Variants in CCDC171 observed in about 807,000 individuals in gnomAD.
The protein encoded by CCDC171 is coiled-coil domain-containing protein 171.
CCDC171 carries 177 observed loss-of-function variants against 168.2 expected under a neutral mutation model. That is an observed-to-expected ratio of 1.05 (90% confidence interval 0.93 to 1.19). The LOEUF (loss-of-function observed/expected upper bound fraction) is 1.19, where lower values mean the gene tolerates loss of function less well. Among genes scored for constraint, CCDC171 ranks in the 50% most tolerant of loss-of-function variants. The probability of loss-of-function intolerance (pLI) is 0.00; values close to 1 mark genes in which losing one functional copy is unlikely to be tolerated. For missense variants in CCDC171, 1,991 were observed against 1,539.0 expected (o/e 1.29, Z -4.91); for synonymous variants, 687 against 540.8 (o/e 1.27, Z -3.75).
chr9:15,627,692 A>G (rs185832626), intron 7 of CCDC171, among the ~76,000 whole-genome samples: 5 of 152,268 alleles, frequency 3.3e-5, no homozygotes, highest in Admixed American at 3.3e-4. Context: ...ACAGTTTGTT[A>G]TAATTTCTGT....
intron 19 of CCDC171, among the ~76,000 whole-genome samples, chr9:15,778,643 C>CAAAAAAAAA (rs527592822): frequency 0.035 from 2,063 of 58,548 alleles, 305 homozygotes; most frequent in East Asian, 0.088. Flanking sequence ...AAGACTGTCT[C>CAAAAAAAAA]AAAAAAAAAA....
At chr9:15,597,641 A>C (rs1027004100) in intron 6 of CCDC171, among the ~76,000 whole-genome samples, 5 of 152,192 alleles carry the variant, frequency 3.3e-5, no homozygotes, top group Non-Finnish European at 7.3e-5. Context: ...CTTTCCTATC[A>C]GGATGATGCT....
At position 15,822,158 on chromosome 9, in the gene CCDC171, C is replaced by T. The variant is rs566838547; in HGVS notation, c.3268-24544C>T. 8.0e-4 allele frequency among the ~76,000 whole-genome samples: 122 copies of T among 152,250 alleles called. 3 individuals are homozygous for T. The highest frequency in any genetic ancestry group is 2.9e-3 in the African/African-American group (119 of 41,528). ...TAGAAAGCTGACACTGGATCCCTTC[C>T]TTACACCTTATACAAAAATTAATTC... On this transcript the variant is annotated intron_variant, in intron 21 of 25. Transcript: ENST00000380701.
chr9:15,760,794 A>G (rs1237913168), intron 18 of CCDC171, among the ~76,000 whole-genome samples: 1 of 152,150 alleles, frequency 6.6e-6, no homozygotes, highest in Non-Finnish European at 1.5e-5. Context: ...ACTTATAGAG[A>G]GTGGGCAAAG....
At chr9:16,100,205 T>G in the CCDC171 span, among the ~76,000 whole-genome samples, 1 of 152,158 alleles carries the variant, frequency 6.6e-6, no homozygotes, top group Non-Finnish European at 1.5e-5. Flanking sequence ...TGAACTAAAT[T>G]GATTTATGAG....
Position 15,623,359 on chromosome 9 carries a change from A to C in CCDC171, c.768A>C (p.Thr256=), listed in dbSNP as rs1305535106. 1 of 1,612,348 alleles carries C rather than the reference A, an allele frequency of 6.2e-7. No individual in the cohort carries two copies. The highest frequency in any genetic ancestry group is 8.5e-7 in the Non-Finnish European group (1 of 1,179,094). The stretch of plus-strand genomic sequence containing the variant: ...GCTCTGACCTTTTACGGCGACAAAC[A>C]AGTGAACTTGAATTTAGCACTCAAC... ...MDCSDLLRRQ[T]SELEFSTQRE... is the part of the protein sequence containing the mutation. Residue 256 remains threonine (T), a synonymous_variant, in exon 7 of 26, where the codon ACA becomes ACC. Coordinates refer to ENST00000380701, the MANE Select transcript of CCDC171 (RefSeq NM_173550.4).
At chr9:15,839,398 C>T (rs896680373) in intron 21 of CCDC171, among the ~76,000 whole-genome samples, 1 of 152,092 alleles carries the variant, frequency 6.6e-6, no homozygotes, top group African/African-American at 2.4e-5. Flanking sequence ...ACTAATACTA[C>T]TGTAGTACAG....
intron 20 of CCDC171, among the ~76,000 whole-genome samples, chr9:15,781,448 C>T (rs1046564067): frequency 4.6e-5 from 7 of 152,122 alleles, no homozygotes; most frequent in Non-Finnish European, 7.4e-5. Context: ...GATGGAGTCT[C>T]GCTCTGTCAC....
At chr9:15,562,004 T>TC (rs2039340013) in intron 1 of CCDC171, among the ~76,000 whole-genome samples, 1 of 150,488 alleles carries the variant, frequency 6.6e-6, no homozygotes, top group African/African-American at 2.4e-5. Flanking sequence ...TTTTGCTTCT[T>TC]TTTTTTTTAA....
chr9:15,617,625 C>T (rs1349201542), intron 6 of CCDC171, among the ~76,000 whole-genome samples: 1 of 152,146 alleles, frequency 6.6e-6, no homozygotes, highest in Non-Finnish European at 1.5e-5. Context: ...ATCCACCCGC[C>T]TCGGCCTCCA....
chr9:15,594,409 G>A (rs1490716205), intron 6 of CCDC171, among the ~76,000 whole-genome samples: 1 of 152,010 alleles, frequency 6.6e-6, no homozygotes, highest in Non-Finnish European at 1.5e-5. Flanking sequence ...TAAGAAGGAT[G>A]TATATATATT....
Position 15,652,140 on chromosome 9 carries a change from T to C in CCDC171, c.823-4987T>C, listed in dbSNP as rs146606750. ...CAGACTATAAAGATTTACCCCTATGTTTTCTTCTAAGAGTTTTATGGTTTT... is the reference window on the plus strand; with the variant it reads ...CAGACTATAAAGATTTACCCCTATGCTTTCTTCTAAGAGTTTTATGGTTTT... On this transcript the variant is annotated intron_variant, in intron 7 of 25. Transcript: ENST00000380701. Among the ~76,000 whole-genome samples the C allele has an allele frequency of 3.0e-3, 460 of 152,298 alleles. 1 individual carries two copies. The highest frequency in any genetic ancestry group is 6.8e-3 in the Middle Eastern group (2 of 294).
At chr9:15,654,294 A>G (rs1337655828) in intron 7 of CCDC171, among the ~76,000 whole-genome samples, 1 of 152,182 alleles carries the variant, frequency 6.6e-6, no homozygotes, top group Non-Finnish European at 1.5e-5. Flanking sequence ...CAAATAGTTC[A>G]TTGTAAAAGA....
At chr9:16,099,688 G>A in the CCDC171 span, among the ~76,000 whole-genome samples, 1 of 152,172 alleles carries the variant, frequency 6.6e-6, no homozygotes, top group South Asian at 2.1e-4. Flanking sequence ...TGGGCTTCTG[G>A]TGGGTGACCA....
chr9:15,988,188 C>T (rs886537819), intron 3 of CCDC171, among the ~76,000 whole-genome samples: 3 of 152,162 alleles, frequency 2.0e-5, no homozygotes, highest in African/African-American at 7.2e-5. Flanking sequence ...ACTACAGCAA[C>T]AACTAACAAA....
At chr9:15,864,790 A>C (rs2061706466) in intron 23 of CCDC171, among the ~76,000 whole-genome samples, 1 of 152,098 alleles carries the variant, frequency 6.6e-6, no homozygotes, top group Non-Finnish European at 1.5e-5. Context: ...ATCTCAGTTT[A>C]CTGCAGCTAA....
chr9:15,886,647 G>A (rs1819436850), intron 24 of CCDC171: 2 of 151,910 alleles, frequency 1.3e-5, no homozygotes, highest in Non-Finnish European at 2.9e-5. Context: ...CCGTTGTCTT[G>A]AAGACATGTC....
chr9:15,925,803 A>T (rs1825829077), intron 25 of CCDC171, among the ~76,000 whole-genome samples: 1 of 151,690 alleles, frequency 6.6e-6, no homozygotes, highest in East Asian at 1.9e-4. Flanking sequence ...TTTGAGCATC[A>T]GGGACATATA....
intron 21 of CCDC171, among the ~76,000 whole-genome samples, chr9:15,809,477 G>A (rs1046468613): frequency 6.6e-6 from 1 of 152,124 alleles, no homozygotes; most frequent in Non-Finnish European, 1.5e-5. Flanking sequence ...TGGTGTGTCT[G>A]GAGTTTATTC....
Sources: gnomAD v4.1 joint callset for allele counts (sites outside exome capture counted in the v4.1 genomes callset) on GRCh38, gnomAD v4.1.1 for gene constraint, MANE v1.5 for transcripts, NCBI Gene and HGNC (gene_info 2026-07-23, HGNC 2026-07-21) for gene names.